The following IGSF5 variants were observed in gnomAD, a reference collection of about 807,000 sequenced individuals.
The protein encoded by IGSF5 is immunoglobulin superfamily member 5.
IGSF5 carries 41 observed loss-of-function variants against 39.4 expected under a neutral mutation model. That is an observed-to-expected ratio of 1.04 (90% CI 0.81 to 1.35). IGSF5 has a LOEUF of 1.35. Ranked by LOEUF, IGSF5 falls within the 40% of genes most tolerant of loss-of-function variation. The pLI, the probability that IGSF5 is intolerant of heterozygous loss-of-function variation, is 0.00. For synonymous variants in IGSF5, 183 were observed against 175.3 expected (o/e 1.04, Z -0.34); for missense variants, 487 against 494.6 (o/e 0.98, Z 0.15).
intron 2 of IGSF5, among the ~76,000 whole-genome samples, chr21:39,762,899 G>A (rs1310322664): frequency 6.6e-6 from 1 of 152,120 alleles, no homozygotes; most frequent in Non-Finnish European, 1.5e-5. Context: ...GTGGCCACAG[G>A]GAGGTTCTCG....
In IGSF5 at chr21:39,765,944, C is replaced by T. The variant is rs1055523445; in HGVS notation, c.418+92C>T. 32 of 1,156,998 alleles carry T rather than the reference C, an allele frequency of 2.8e-5. No homozygotes were observed. The East Asian group carries it at 3.8e-4, about 14-fold the overall frequency. The allele number at this position is 1,156,998 out of a possible 1,614,324, so 71.7% of individuals were successfully genotyped here. ...AGTTCATGCCGCGTATGATGGCAGA[C>T]GTGGTCTACCTTCAGTTGGTGTTGA... On this transcript the variant is annotated intron_variant, in intron 3 of 8. Coordinates refer to ENST00000380588, the MANE Select transcript of IGSF5 (RefSeq NM_001080444.2).
rs377534965 is a variant in IGSF5, at chr21:39,793,663, A to G, written c.1128+50A>G. ...TTTGGACTTTTTTGGCTATTTAAAA[A>G]TTCTTACCTTGTTGTGGGTGATTAT... On this transcript the variant is annotated intron_variant, in intron 8 of 8. Transcript: ENST00000380588. 1.7e-4 allele frequency: 242 copies of G among 1,426,378 alleles called. 1 individual carries two copies. The highest frequency in any genetic ancestry group is 2.5e-5 in the Non-Finnish European group (25 of 1,014,350). The allele number at this position is 1,426,378 out of a possible 1,614,324, so 88.4% of individuals were successfully genotyped here. A position where few individuals can be genotyped will look rare whatever the true frequency, so the allele number is the denominator to read the frequency against.
In IGSF5 at chr21:39,759,386, A is replaced by T. The variant is rs557250601; in HGVS notation, c.101-6149A>T. Among the ~76,000 whole-genome samples the T allele has an allele frequency of 7.2e-5, 11 of 152,310 alleles. No homozygotes were observed. In the East Asian group the frequency reaches 1.2e-3, roughly 16 times the overall value. ...ATTTGTTTGTAGAATGGAGAGGAAG[A>T]CAAGGTCCCTGCTTGTGTAGAGCTT... is the stretch of plus-strand genomic sequence containing the variant. On this transcript the variant is annotated intron_variant, in intron 2 of 8. Transcript: ENST00000380588.
chr21:39,743,204 C>T (rs1056605778), upstream of IGSF5, among the ~76,000 whole-genome samples: 2 of 152,184 alleles, frequency 1.3e-5, no homozygotes, highest in African/African-American at 2.4e-5. Flanking sequence ...CTGCCTGCTG[C>T]CCTGTGGGGA....
chr21:39,765,622 C>T lies in IGSF5; in HGVS notation c.188C>T (p.Ser63Phe), dbSNP rs1372851339. The T allele has an allele frequency of 5.0e-6, 8 of 1,614,048 alleles. No homozygotes were observed. The Admixed American group carries it at 1.2e-4, about 24-fold the overall frequency. Residue 63 changes from serine to phenylalanine, a missense_variant, in exon 3 of 9, where the codon TCC becomes TTC. Coordinates refer to ENST00000380588, the MANE Select transcript of IGSF5 (RefSeq NM_001080444.2). ...CAGGCTCGCTTCAACTGCACCGTCT[C>T]CCAGGGCTGGAAGCTCATCATGTGG... ...GSQARFNCTV[S>F]QGWKLIMWAL... is the part of the protein sequence containing the mutation.
the IGSF5 span, among the ~76,000 whole-genome samples, chr21:39,739,938 C>T: frequency 6.6e-6 from 1 of 152,180 alleles, no homozygotes; most frequent in Non-Finnish European, 1.5e-5. Context: ...CAGGCCCCAA[C>T]TATCTGCTTG....
Position 39,765,802 on chromosome 21 carries a change from G to T in IGSF5, c.368G>T (p.Cys123Phe). ...CCCAGTGATTCGGGGAACATCAGAT[G>T]CAGCCTCCAGAACAGTCGCCTGCAT... is the stretch of plus-strand genomic sequence containing the variant. ...VEPSDSGNIR[C>F]SLQNSRLHGS... Residue 123 changes from cysteine (C) to phenylalanine (F), a missense_variant, in exon 3 of 9, where the codon TGC becomes TTC. Cys to Phe is a radical substitution (Grantham distance 205). Transcript: ENST00000380588. 1 of 1,614,118 alleles carries T rather than the reference G, an allele frequency of 6.2e-7. No homozygotes were observed. Among genetic ancestry groups the T allele is most frequent in the Non-Finnish European group, 8.5e-7 (1 of 1,180,014 alleles).
At chr21:39,788,525 G>A (rs568239337) in intron 6 of IGSF5, among the ~76,000 whole-genome samples, 25 of 152,326 alleles carry the variant, frequency 1.6e-4, no homozygotes, top group African/African-American at 4.3e-4. Flanking sequence ...TGCTGTGGGC[G>A]GAGGCCAGGG....
At chr21:39,778,866 G>T (rs1322703814) in intron 4 of IGSF5, among the ~76,000 whole-genome samples, 2 of 152,190 alleles carry the variant, frequency 1.3e-5, no homozygotes, top group Admixed American at 1.3e-4. Flanking sequence ...CCTGAACTGG[G>T]TTACTAAGAA....
the IGSF5 span, among the ~76,000 whole-genome samples, chr21:39,717,957 T>A: frequency 7.9e-5 from 12 of 152,232 alleles, no homozygotes; most frequent in Non-Finnish European, 1.6e-4. Flanking sequence ...TGATATTGAT[T>A]CATCTAATCC....
intron 8 of IGSF5, among the ~76,000 whole-genome samples, chr21:39,799,463 C>G (rs984593848): frequency 6.6e-6 from 1 of 151,980 alleles, no homozygotes. Context: ...GCCAAAGAAT[C>G]AGTATTTTTA....
At chr21:39,794,209 A>G (rs570027706) in intron 8 of IGSF5, among the ~76,000 whole-genome samples, 1 of 152,340 alleles carries the variant, frequency 6.6e-6, no homozygotes, top group South Asian at 2.1e-4. Flanking sequence ...AGAACGGCTA[A>G]GAGGCTGGAG....
intron 5 of IGSF5, among the ~76,000 whole-genome samples, chr21:39,781,449 G>C (rs1482670437): frequency 6.6e-6 from 1 of 152,164 alleles, no homozygotes; most frequent in East Asian, 1.9e-4. Context: ...ATAATGTTGT[G>C]TATGTTCATA....
chr21:39,724,862 C>T, the IGSF5 span, among the ~76,000 whole-genome samples: 3,962 of 152,314 alleles, frequency 0.026, 76 homozygotes, highest in Non-Finnish European at 0.039. Flanking sequence ...TAGGCCTGTA[C>T]ATCTCAACTT....
At chr21:39,737,888 A>G in the IGSF5 span, among the ~76,000 whole-genome samples, 1 of 152,166 alleles carries the variant, frequency 6.6e-6, no homozygotes, top group Non-Finnish European at 1.5e-5. Flanking sequence ...TGAGGGCCTT[A>G]TGACCCACAA....
the IGSF5 span, among the ~76,000 whole-genome samples, chr21:39,732,241 T>G: frequency 6.6e-6 from 1 of 152,212 alleles, no homozygotes; most frequent in African/African-American, 2.4e-5. Flanking sequence ...GTTGTTCTTA[T>G]TTGAAATCAC....
chr21:39,724,072 TAAAATAAAATAAA>T, the IGSF5 span, among the ~76,000 whole-genome samples: 2 of 3,096 alleles, frequency 6.5e-4, no homozygotes, highest in African/African-American at 1.3e-3. Flanking sequence ...TCTCAAAAAA[TAAAATAAAATAAA>T]ATAAAATAAA....
intron 4 of IGSF5, among the ~76,000 whole-genome samples, chr21:39,774,302 G>A (rs2080129166): frequency 6.6e-6 from 1 of 152,188 alleles, no homozygotes; most frequent in South Asian, 2.1e-4. Context: ...TGTTAATGGG[G>A]CTGTGCCCAT....
intron 5 of IGSF5, among the ~76,000 whole-genome samples, chr21:39,782,776 A>G (rs988804303): frequency 6.6e-6 from 1 of 152,176 alleles, no homozygotes; most frequent in East Asian, 1.9e-4. Context: ...ACAGCACCTT[A>G]TAGTTAACCA....
Sources: allele counts gnomAD v4.1 joint callset (sites outside exome capture counted in the v4.1 genomes callset), GRCh38; gene constraint gnomAD v4.1.1; transcripts MANE v1.5; gene names NCBI Gene and HGNC (gene_info 2026-07-23, HGNC 2026-07-21).